The following GPHN variants were observed in gnomAD, a reference collection of about 807,000 sequenced individuals.
GPHN encodes gephyrin.
GPHN carries 17 observed loss-of-function variants against 95.5 expected under a neutral mutation model. That is an observed-to-expected ratio of 0.18 (90% confidence interval 0.12 to 0.27). The LOEUF is 0.27. Ranked by LOEUF, GPHN falls within the 10% of genes least tolerant of loss-of-function variation. The pLI is 1.00. For missense variants in GPHN, 660 were observed against 978.1 expected, an observed-to-expected ratio of 0.67 and a Z score of 4.34; for synonymous variants, 320 against 322.5, an observed-to-expected ratio of 0.99 and a Z score of 0.08.
chr14:67,577,032 C>G, the GPHN span, among the ~76,000 whole-genome samples: 2 of 152,254 alleles, frequency 1.3e-5, no homozygotes, highest in South Asian at 4.2e-4. Flanking sequence ...GAGGCCTCCC[C>G]TGCACACATC....
intron 2 of GPHN, among the ~76,000 whole-genome samples, chr14:66,753,991 T>C (rs1236911023): frequency 6.6e-6 from 1 of 152,086 alleles, no homozygotes; most frequent in Non-Finnish European, 1.5e-5. Flanking sequence ...GTGTTTAGCT[T>C]TTTTCACTGA....
chr14:66,803,658 ATG>A (rs1271744370), intron 3 of GPHN, among the ~76,000 whole-genome samples: 2 of 151,964 alleles, frequency 1.3e-5, no homozygotes, highest in Non-Finnish European at 2.9e-5. Flanking sequence ...TGTGTCCCAC[ATG>A]TTTTGTGGCT....
rs2057864617 is a variant in GPHN at position 66,508,225 on chromosome 14, C to T, written c.-303C>T. 2 of 539,004 alleles carry T rather than the reference C, an allele frequency of 3.7e-6. No homozygotes were observed. The highest frequency in any genetic ancestry group is 3.2e-5 in the East Asian group (1 of 30,942). The allele number at this position is 539,004 out of a possible 1,614,324, so 33.4% of individuals were successfully genotyped here. On this transcript the variant is annotated 5_prime_UTR_variant, in exon 1 of 23. Coordinates refer to ENST00000478722, the MANE Select transcript of GPHN (RefSeq NM_020806.5). ...CGTTCCGACACTCTCCGGCCTCGTT[C>T]TGCCGCCTCCGCGCGCTCTCCCCGT...
the GPHN span, chr14:67,674,569 C>T: frequency 1.6e-6 from 2 of 1,267,030 alleles, no homozygotes; most frequent in Non-Finnish European, 2.1e-6. Flanking sequence ...AGCCGCCCAG[C>T]CCAGTGGCCA....
the GPHN span, among the ~76,000 whole-genome samples, chr14:67,327,720 A>G: frequency 6.6e-6 from 1 of 151,524 alleles, no homozygotes; most frequent in Non-Finnish European, 1.5e-5. Context: ...GTTCCCACTT[A>G]TGAGTGAGAA....
intron 9 of GPHN, among the ~76,000 whole-genome samples, chr14:66,979,137 G>A (rs2070474617): frequency 6.6e-6 from 1 of 152,130 alleles, no homozygotes; most frequent in Non-Finnish European, 1.5e-5. Context: ...AATTCTTAAA[G>A]GCCATAGTAC....
intron 1 of GPHN, among the ~76,000 whole-genome samples, chr14:66,618,325 G>C (rs1742684523): frequency 6.6e-6 from 1 of 151,940 alleles, no homozygotes; most frequent in Admixed American, 6.6e-5. Flanking sequence ...TGATCCACCT[G>C]TGTCTACCTC....
At chr14:67,341,823 CA>C in the GPHN span, among the ~76,000 whole-genome samples, 1 of 152,184 alleles carries the variant, frequency 6.6e-6, no homozygotes, top group East Asian at 1.9e-4. Flanking sequence ...GGAGACTTTT[CA>C]TTTTGTTCTG....
At chr14:67,090,664 A>C (rs537666157) in intron 12 of GPHN, among the ~76,000 whole-genome samples, 2 of 152,182 alleles carry the variant, frequency 1.3e-5, no homozygotes, top group East Asian at 3.9e-4. Context: ...GTAATTAAAT[A>C]CTTCATTAAT....
chr14:67,538,761 C>A, the GPHN span, among the ~76,000 whole-genome samples: 1 of 152,098 alleles, frequency 6.6e-6, no homozygotes, highest in African/African-American at 2.4e-5. Flanking sequence ...GGTGGTTAAT[C>A]CTCTCCATCC....
At chr14:67,645,583 TTTG>T in the GPHN span, 1 of 1,564,990 alleles carries the variant, frequency 6.4e-7, no homozygotes, top group Non-Finnish European at 8.7e-7. Flanking sequence ...GCTGAGGACG[TTTG>T]TTATCGGTCA....
the GPHN span, chr14:67,647,844 G>C: frequency 1.7e-6 from 1 of 582,836 alleles, no homozygotes; most frequent in Non-Finnish European, 3.0e-6. Context: ...GCAGTATCAT[G>C]AAGTGGTATG....
chr14:66,810,658 A>G (rs1023753715), intron 3 of GPHN, among the ~76,000 whole-genome samples: 1 of 152,156 alleles, frequency 6.6e-6, no homozygotes, highest in Non-Finnish European at 1.5e-5. Flanking sequence ...TTGGCCGAGT[A>G]CCTTTGCTTT....
intron 9 of GPHN, among the ~76,000 whole-genome samples, chr14:67,007,249 A>C (rs977724174): frequency 5.3e-5 from 8 of 152,186 alleles, no homozygotes; most frequent in East Asian, 1.9e-4. Flanking sequence ...GAATGGTCCC[A>C]AAATTTGGCA....
the GPHN span, chr14:67,569,696 A>C: frequency 1.7e-6 from 1 of 577,726 alleles, no homozygotes; most frequent in Admixed American, 3.0e-5. Context: ...AAAATGGTTA[A>C]AGGTAAGGCT....
chr14:67,678,262 GACAAGAAGTAC>G, the GPHN span: 1 of 1,106,180 alleles, frequency 9.0e-7, no homozygotes, highest in African/African-American at 1.6e-5. Flanking sequence ...GAATCATTTT[GACAAGAAGTAC>G]TGTGTAGTCT....
chr14:67,734,614 G>A, the GPHN span, among the ~76,000 whole-genome samples: 6 of 152,316 alleles, frequency 3.9e-5, no homozygotes, highest in East Asian at 5.8e-4. Flanking sequence ...GACAGCAGCT[G>A]GAATGTAAGA....
At chr14:67,427,492 C>T in the GPHN span, among the ~76,000 whole-genome samples, 1 of 152,180 alleles carries the variant, frequency 6.6e-6, no homozygotes, top group African/African-American at 2.4e-5. Context: ...CGTCGTTGTT[C>T]TCTGGAATCC....
chr14:67,021,215 A>G (rs1399416044), intron 9 of GPHN, among the ~76,000 whole-genome samples: 10 of 152,246 alleles, frequency 6.6e-5, no homozygotes, highest in Non-Finnish European at 1.5e-5. Flanking sequence ...TGATTGATTG[A>G]TTGATTTATA....
Sources: allele counts gnomAD v4.1 joint callset (sites outside exome capture counted in the v4.1 genomes callset), GRCh38; gene constraint gnomAD v4.1.1; transcripts MANE v1.5; gene names NCBI Gene and HGNC (gene_info 2026-07-23, HGNC 2026-07-21).